The following PTPRJ variants were observed in gnomAD, a reference collection of about 807,000 sequenced individuals.
PTPRJ encodes the protein protein tyrosine phosphatase receptor type J, also known as receptor-type tyrosine-protein phosphatase eta.
Under a neutral mutation model 141.3 loss-of-function variants are expected in PTPRJ, and 129 were observed. The ratio of observed to expected loss-of-function variants is 0.91; its 90% CI spans 0.79 to 1.06. The LOEUF (loss-of-function observed/expected upper bound fraction) is 1.06, where lower values mean the gene tolerates loss of function less well. Ranked by LOEUF, PTPRJ falls within the 50% of genes least tolerant of loss-of-function variation. The pLI is 0.00. For missense variants in PTPRJ, 1,601 were observed against 1,679.7 expected (o/e 0.95, Z 0.82); for synonymous variants, 610 against 640.5 (o/e 0.95, Z 0.72).
At chr11:48,129,247 G>A (rs1856913317) in intron 7 of PTPRJ, among the ~76,000 whole-genome samples, 1 of 152,246 alleles carries the variant, frequency 6.6e-6, no homozygotes, top group Non-Finnish European at 1.5e-5. Flanking sequence ...ACCAAAGGCT[G>A]TGTGGCTTGA....
intron 1 of PTPRJ, among the ~76,000 whole-genome samples, chr11:48,074,656 G>A (rs1855352494): frequency 6.6e-6 from 1 of 152,138 alleles, no homozygotes; most frequent in Admixed American, 6.6e-5. Flanking sequence ...ATGCAATTTG[G>A]GTGAAACTGT....
chr11:48,018,977 C>T (rs914470492), intron 1 of PTPRJ, among the ~76,000 whole-genome samples: 1 of 152,020 alleles, frequency 6.6e-6, no homozygotes, highest in African/African-American at 2.4e-5. Flanking sequence ...CCTCTCTCCA[C>T]GCTTTCTTCT....
intron 1 of PTPRJ, among the ~76,000 whole-genome samples, chr11:48,095,112 A>G (rs529064860): frequency 7.9e-5 from 12 of 152,320 alleles, no homozygotes; most frequent in Middle Eastern, 3.4e-3. Flanking sequence ...CTGATTCCCA[A>G]TTCTGTCCAG....
chr11:48,088,891 G>A (rs1855785018), intron 1 of PTPRJ, among the ~76,000 whole-genome samples: 2 of 152,144 alleles, frequency 1.3e-5, no homozygotes, highest in South Asian at 4.1e-4. Flanking sequence ...GCCACATTAA[G>A]GAAACGCATG....
chr11:48,027,791 CAAAAAAAAAAAA>C (rs750153282), intron 1 of PTPRJ, among the ~76,000 whole-genome samples: 13 of 32,898 alleles, frequency 4.0e-4, no homozygotes, highest in Non-Finnish European at 6.2e-4. Flanking sequence ...ACTCTGTCTC[CAAAAAAAAAAAA>C]AAAAAAAAAA....
In PTPRJ at chr11:48,098,519, T is replaced by C. The variant is rs1334882048; in HGVS notation, c.97-11539T>C. ...CCACATTTCAAATCATTTTATCTCTTTTTTTTTTTTTTTTTTTTTGAGACG... is the reference window on the plus strand; with the variant it reads ...CCACATTTCAAATCATTTTATCTCTCTTTTTTTTTTTTTTTTTTTGAGACG... On this transcript the variant is annotated intron_variant, in intron 1 of 24. Transcript: ENST00000418331. Among the ~76,000 whole-genome samples, 4 of 43,446 alleles carry C rather than the reference T, an allele frequency of 9.2e-5. 2 individuals carry two copies. Among genetic ancestry groups the C allele is most frequent in the Non-Finnish European group, 2.6e-4 (4 of 15,342 alleles). The allele number at this position is 43,446 out of a possible 152,430, so 28.5% of individuals were successfully genotyped here.
At chr11:48,134,631 T>G (rs952613646) in intron 8 of PTPRJ, among the ~76,000 whole-genome samples, 2 of 152,228 alleles carry the variant, frequency 1.3e-5, no homozygotes, top group African/African-American at 4.8e-5. Flanking sequence ...AGCATTTCCC[T>G]TTTTTGTCCC....
At chr11:47,998,875 A>ATGT (rs1301805531) in intron 1 of PTPRJ, among the ~76,000 whole-genome samples, 4 of 152,106 alleles carry the variant, frequency 2.6e-5, no homozygotes, top group Non-Finnish European at 4.4e-5. Flanking sequence ...GAAGGGAGGG[A>ATGT]TGTTACCTGG....
chr11:48,090,657 G>C (rs949719866), intron 1 of PTPRJ, among the ~76,000 whole-genome samples: 2 of 152,148 alleles, frequency 1.3e-5, no homozygotes, highest in African/African-American at 2.4e-5. Context: ...TGTTTGAAAC[G>C]GTCAGAATGT....
At chr11:48,106,763 CTTTTTTTTTT>C (rs35643138) in intron 1 of PTPRJ, among the ~76,000 whole-genome samples, 4 of 86,452 alleles carry the variant, frequency 4.6e-5, no homozygotes, top group African/African-American at 1.3e-4. Context: ...TTCTTTCTTT[CTTTTTTTTTT>C]TTTTTTTTTT....
chr11:48,164,797 C>A (rs1341454930), intron 24 of PTPRJ, among the ~76,000 whole-genome samples: 1 of 151,926 alleles, frequency 6.6e-6, no homozygotes, highest in Non-Finnish European at 1.5e-5. Context: ...AACTCCTGAC[C>A]TCAAGTGATC....
At chr11:48,014,035 A>G (rs1286605408) in intron 1 of PTPRJ, among the ~76,000 whole-genome samples, 1 of 152,140 alleles carries the variant, frequency 6.6e-6, no homozygotes, top group Non-Finnish European at 1.5e-5. Context: ...GATCTGTTTG[A>G]TTTTTAGAAA....
intron 1 of PTPRJ, among the ~76,000 whole-genome samples, chr11:48,052,448 G>T (rs965519105): frequency 6.6e-6 from 1 of 152,190 alleles, no homozygotes; most frequent in African/African-American, 2.4e-5. Flanking sequence ...GCTTTAGCCT[G>T]GAATGCAGGC....
intron 3 of PTPRJ, among the ~76,000 whole-genome samples, chr11:48,117,849 C>T (rs1016696648): frequency 8.6e-5 from 13 of 151,810 alleles, no homozygotes; most frequent in Admixed American, 2.0e-4. Context: ...AAAAAAGAGA[C>T]GCTACTCAAA....
intron 21 of PTPRJ, among the ~76,000 whole-genome samples, chr11:48,159,097 G>GTGTGTGTGCGTGTGTGTGTATGTGGGGT (rs1857687449): frequency 7.2e-6 from 1 of 139,644 alleles, no homozygotes; most frequent in Non-Finnish European, 1.6e-5. Flanking sequence ...GTGTATGTGG[G>GTGTGTGTGCGTGTGTGTGTATGTGGGGT]GTGTGTGTGT....
intron 1 of PTPRJ, among the ~76,000 whole-genome samples, chr11:48,106,594 G>C (rs1856292138): frequency 6.6e-6 from 1 of 152,134 alleles, no homozygotes; most frequent in Non-Finnish European, 1.5e-5. Flanking sequence ...ATGTCAGAGA[G>C]AGGGGAAGAG....
chr11:48,077,133 T>C (rs1349078301), intron 1 of PTPRJ, among the ~76,000 whole-genome samples: 1 of 152,006 alleles, frequency 6.6e-6, no homozygotes, highest in Admixed American at 6.6e-5. Flanking sequence ...CCCAAAGTGG[T>C]AGGATTATAG....
intron 1 of PTPRJ, among the ~76,000 whole-genome samples, chr11:48,083,752 T>C (rs1351099777): frequency 6.6e-6 from 1 of 152,208 alleles, no homozygotes; most frequent in East Asian, 1.9e-4. Context: ...AGTAAATATT[T>C]GTGGAATGAA....
Position 48,130,477 on chromosome 11 carries a change from A to T in PTPRJ, c.1376A>T (p.Asp459Val). 6.2e-7 allele frequency: 1 copy of T among 1,611,806 alleles called. No individual in the cohort carries two copies. The highest frequency in any genetic ancestry group is 1.1e-5 in the South Asian group (1 of 90,852). ...QVHTPPVPVS[D>V]FRVTVVSTTE... ...TGCATAGCCCCTGTTCCAGTTTCTG[A>T]CTTCCGAGTGACAGTGGTCAGCACG... Residue 459 changes from aspartate to valine, a missense_variant, in exon 8 of 25, where the codon GAC becomes GTC. By Grantham distance (152) the Asp-to-Val change is radical. Transcript: ENST00000418331.
Sources: gnomAD v4.1 joint callset for allele counts (sites outside exome capture counted in the v4.1 genomes callset) on GRCh38, gnomAD v4.1.1 for gene constraint, MANE v1.5 for transcripts, NCBI Gene and HGNC (gene_info 2026-07-23, HGNC 2026-07-21) for gene names.